POU2F1: variants seen among roughly 807,000 people sequenced by gnomAD.
The protein encoded by POU2F1 is POU domain, class 2, transcription factor 1.
In POU2F1, 16 loss-of-function variants were observed where a neutral mutation model predicts 84.9. That is an observed-to-expected ratio of 0.19 (90% CI 0.13 to 0.29). POU2F1 has a LOEUF of 0.29. Ranked by LOEUF, POU2F1 falls within the 10% of genes least tolerant of loss-of-function variation. The pLI, the probability that POU2F1 is intolerant of heterozygous loss-of-function variation, is 1.00. For missense variants in POU2F1, 738 were observed against 942.6 expected (o/e 0.78, Z 2.84); for synonymous variants, 368 against 368.3 (o/e 1.00, Z 0.01).
chr1:167,314,956 G>A (rs1384813349), intron 1 of POU2F1, among the ~76,000 whole-genome samples: 2 of 152,068 alleles, frequency 1.3e-5, no homozygotes, highest in Non-Finnish European at 2.9e-5. Context: ...GAGTTCTCAT[G>A]GGATCTGGTT....
intron 1 of POU2F1, among the ~76,000 whole-genome samples, chr1:167,238,065 A>G (rs1385126987): frequency 6.6e-6 from 1 of 151,970 alleles, no homozygotes; most frequent in African/African-American, 2.4e-5. Flanking sequence ...TACAGGTGTG[A>G]GCCACCATGC....
intron 1 of POU2F1, among the ~76,000 whole-genome samples, chr1:167,268,183 A>G (rs1652117327): frequency 6.6e-6 from 1 of 152,316 alleles, no homozygotes; most frequent in East Asian, 1.9e-4. Context: ...GTAGCAGGAA[A>G]AAATCTACTA....
chr1:167,261,487 A>G (rs1055159172), intron 1 of POU2F1, among the ~76,000 whole-genome samples: 7 of 152,062 alleles, frequency 4.6e-5, no homozygotes, highest in Admixed American at 2.6e-4. Flanking sequence ...AGATATAGGG[A>G]TAGATATAGC....
chr1:167,264,212 G>GTTTTTTTTTTTTT (rs111752430), intron 1 of POU2F1, among the ~76,000 whole-genome samples: 1 of 148,314 alleles, frequency 6.7e-6, no homozygotes. Context: ...TTAAGGAAGT[G>GTTTTTTTTTTTTT]TTTTTTTTTT....
At chr1:167,393,078 CAT>C (rs1410527595) in intron 9 of POU2F1, among the ~76,000 whole-genome samples, 2 of 152,200 alleles carry the variant, frequency 1.3e-5, no homozygotes, top group African/African-American at 4.8e-5. Flanking sequence ...ACATTTATCA[CAT>C]GTGGTACATT....
chr1:167,305,050 T>G (rs765920210), intron 1 of POU2F1, among the ~76,000 whole-genome samples: 3 of 152,212 alleles, frequency 2.0e-5, no homozygotes, highest in African/African-American at 7.2e-5. Context: ...AGCCAGAATG[T>G]CTGAGTTTGC....
chr1:167,410,585 G>A (rs542695269), intron 13 of POU2F1, among the ~76,000 whole-genome samples: 5 of 151,816 alleles, frequency 3.3e-5, no homozygotes, highest in Non-Finnish European at 5.9e-5. Flanking sequence ...GCGTCATCTC[G>A]GCTCACTGCA....
rs1471221066 is a variant in POU2F1, at chr1:167,285,513, AC to A, written c.62-46953del. ...AGGCTGAAGCAGGAGAATGGCGTGA[AC>A]CCCGGGAGGCAAAGCTTGCGGTGAG... On this transcript the variant is annotated intron_variant, in intron 1 of 15. Coordinates refer to ENST00000367866, the MANE Select transcript of POU2F1 (RefSeq NM_002697.4). Among the ~76,000 whole-genome samples the A allele has an allele frequency of 4.0e-5, 6 of 150,702 alleles. No homozygotes were observed. In the East Asian group the frequency reaches 9.8e-4, roughly 25 times the overall value.
chr1:167,274,682 G>C (rs1280016273), intron 1 of POU2F1, among the ~76,000 whole-genome samples: 3 of 152,056 alleles, frequency 2.0e-5, no homozygotes, highest in Non-Finnish European at 4.4e-5. Context: ...TTACTTCTTT[G>C]TAGACTCACT....
At chr1:167,312,226 G>T (rs569703439) in intron 1 of POU2F1, among the ~76,000 whole-genome samples, 1 of 146,854 alleles carries the variant, frequency 6.8e-6, no homozygotes, top group East Asian at 2.1e-4. Context: ...GTGAGCCACC[G>T]TGCCCAGCCA....
rs186536856 is a variant in POU2F1 at position 167,328,410 on chromosome 1, A to G, written c.62-4060A>G. ...TGTGTTAAGAATTGGAAAATTCCCTATCAGTAGACTAGCACCATCTTGACA... is the reference window on the plus strand; with the variant it reads ...TGTGTTAAGAATTGGAAAATTCCCTGTCAGTAGACTAGCACCATCTTGACA... On this transcript the variant is annotated intron_variant, in intron 1 of 15. Transcript: ENST00000367866. Among the ~76,000 whole-genome samples, 8 of 152,306 alleles carry G rather than the reference A, an allele frequency of 5.3e-5. No homozygotes were observed. The East Asian group carries it at 5.8e-4, about 11-fold the overall frequency.
At chr1:167,282,887 CT>C (rs894844781) in intron 1 of POU2F1, among the ~76,000 whole-genome samples, 1 of 152,206 alleles carries the variant, frequency 6.6e-6, no homozygotes, top group African/African-American at 2.4e-5. Flanking sequence ...ATTATGTCTT[CT>C]TGGGCAATTT....
At chr1:167,396,890 T>G (rs1648848450) in intron 10 of POU2F1, 1 of 153,546 alleles carries the variant, frequency 6.5e-6, no homozygotes, top group East Asian at 1.9e-4. Flanking sequence ...TTACGTTTTT[T>G]TGTGCTGAGA....
intron 2 of POU2F1, among the ~76,000 whole-genome samples, chr1:167,357,801 AT>A (rs71572451): frequency 0.053 from 6,309 of 119,200 alleles, 237 homozygotes; most frequent in African/African-American, 0.18. Context: ...TTATTAATTG[AT>A]TTTTTTTTTT....
intron 1 of POU2F1, among the ~76,000 whole-genome samples, chr1:167,323,473 C>G (rs544204125): frequency 1.1e-4 from 16 of 152,146 alleles, no homozygotes; most frequent in Non-Finnish European, 2.2e-4. Flanking sequence ...AAACCGCTTT[C>G]TGGTGGAGTA....
At chr1:167,318,640 T>C (rs1656091625) in intron 1 of POU2F1, among the ~76,000 whole-genome samples, 1 of 152,210 alleles carries the variant, frequency 6.6e-6, no homozygotes, top group Non-Finnish European at 1.5e-5. Context: ...AAAGTGATTA[T>C]GTCCAGGCAT....
intron 1 of POU2F1, among the ~76,000 whole-genome samples, chr1:167,258,800 CA>C (rs1258835471): frequency 1.3e-5 from 2 of 152,170 alleles, no homozygotes; most frequent in African/African-American, 4.8e-5. Flanking sequence ...AAAACTCTTG[CA>C]ATACAGGTCT....
chr1:167,352,874 A>G (rs1658671533), intron 2 of POU2F1, among the ~76,000 whole-genome samples: 1 of 152,210 alleles, frequency 6.6e-6, no homozygotes, highest in Admixed American at 6.5e-5. Flanking sequence ...TTTTCGTAGT[A>G]AGAAGGTATA....
At chr1:167,299,833 GT>G (rs200708831) in intron 1 of POU2F1, among the ~76,000 whole-genome samples, 1,968 of 152,244 alleles carry the variant, frequency 0.013, 16 homozygotes, top group Non-Finnish European at 0.021. Context: ...TCTTCTAGGG[GT>G]TTGTTAAAAC....
Sources: allele counts gnomAD v4.1 joint callset (sites outside exome capture counted in the v4.1 genomes callset), GRCh38; gene constraint gnomAD v4.1.1; transcripts MANE v1.5; gene names NCBI Gene and HGNC (gene_info 2026-07-23, HGNC 2026-07-21).